The following DEF8 variants were observed in gnomAD, a reference collection of about 807,000 sequenced individuals.
The protein encoded by DEF8 is DEF-8.
A neutral mutation model predicts 59.1 loss-of-function variants in DEF8; 38 were observed. That is an observed-to-expected ratio of 0.64 (90% confidence interval 0.50 to 0.84). The LOEUF is 0.84. Among genes scored for constraint, DEF8 ranks in the 40% least tolerant of loss-of-function variants. The pLI is 0.00. For missense variants in DEF8, 557 were observed against 615.2 expected (o/e 0.91, Z 1.00); for synonymous variants, 265 against 250.1 (o/e 1.06, Z -0.56).
rs1280935481 is a variant in DEF8, at chr16:89,966,247, G to A, written c.*284G>A. The A allele has an allele frequency of 6.1e-6, 2 of 329,896 alleles. No homozygotes were observed. The highest frequency in any genetic ancestry group is 2.1e-5 in the African/African-American group (1 of 46,614). 20.4% of individuals were successfully genotyped at this position (329,896 alleles called of 1,614,324 possible). On this transcript the variant is annotated 3_prime_UTR_variant, in exon 13 of 13. Transcript: ENST00000563594. ...GAACTCCATGGGCAGGGAGCTGGGG[G>A]GACATCTCACCTCCCCCATGGCACA...
At chr16:89,957,044 G>T (rs1342434156) in intron 4 of DEF8, among the ~76,000 whole-genome samples, 7 of 152,176 alleles carry the variant, frequency 4.6e-5, no homozygotes, top group Non-Finnish European at 1.0e-4. Context: ...GAGCCCCCTG[G>T]TCGCTATGTG....
chr16:89,963,523 G>T, intron 10 of DEF8, 80 bp downstream of exon 10: 1 of 1,258,244 alleles, frequency 7.9e-7, no homozygotes, highest in Non-Finnish European at 1.1e-6. Context: ...GTTTTTTCCG[G>T]ACAGCTTGTG....
chr16:89,965,948 C>T lies in DEF8; in HGVS notation c.1341C>T (p.Pro447=), dbSNP rs377024752. The T allele has an allele frequency of 3.8e-4, 607 of 1,612,940 alleles. 8 individuals carry two copies. In the South Asian group the frequency reaches 5.6e-3, roughly 15 times the overall value. ...RKQSLFQEPG[P]DVEA ...AGTCGCTCTTCCAGGAGCCAGGTCC[C>T]GATGTGGAGGCCTAGCGCCGAGGAA... Residue 447 remains proline, a synonymous_variant, in exon 13 of 13, where the codon CCC becomes CCT. Coordinates refer to ENST00000563594, the MANE Select transcript of DEF8 (RefSeq NM_001242818.2).
rs377269615 is a variant in DEF8 at position 89,957,588 on chromosome 16, C to G, written c.300C>G (p.Pro100=). 3.8e-6 allele frequency: 6 copies of G among 1,586,842 alleles called. No homozygotes were observed. The African/African-American group carries it at 8.1e-5, about 21-fold the overall frequency. ...EECKQVILEL[P]EQSEKQKDAV... is the part of the protein sequence containing the mutation. ...GCAAGCAGGTGATTCTGGAGCTGCC[C>G]GAGCAGTCGGAGAAGCAGAAGGATG... is the stretch of plus-strand genomic sequence containing the variant. Residue 100 remains proline (P), a synonymous_variant, in exon 5 of 13, where the codon CCC becomes CCG. Transcript: ENST00000563594.
intron 9 of DEF8, 79 bp from the exon 10 acceptor site, chr16:89,963,284 G>A: frequency 7.8e-7 from 1 of 1,274,166 alleles, no homozygotes; most frequent in Non-Finnish European, 1.1e-6. Context: ...GCCCTGCCGT[G>A]GCCCCGGGTG....
chr16:89,961,835 G>A lies in DEF8; in HGVS notation c.778G>A (p.Val260Ile), dbSNP rs1396362637. Reference protein sequence around the residue: ...NDLAVIPARVVHNWDFEPRKV... With the variant: ...NDLAVIPARVIHNWDFEPRKV... Reference sequence around the variant, plus strand: ...CCTGGCTGTGATCCCTGCACGCGTTGTACACAACTGGGACTTTGAGCCTCG... The same window carrying A: ...CCTGGCTGTGATCCCTGCACGCGTTATACACAACTGGGACTTTGAGCCTCG... Residue 260 changes from valine (V) to isoleucine (I), a missense_variant, in exon 8 of 13, where the codon GTA becomes ATA. By Grantham distance (29) the Val-to-Ile change is conservative (BLOSUM62 3). Transcript: ENST00000563594. 2 of 1,609,318 alleles carry A rather than the reference G, an allele frequency of 1.2e-6. No individual in the cohort carries two copies. Among genetic ancestry groups the A allele is most frequent in the Non-Finnish European group, 1.7e-6 (2 of 1,177,484 alleles).
intron 4 of DEF8, chr16:89,957,297 G>A (rs2151172954): frequency 2.3e-6 from 1 of 443,690 alleles, no homozygotes. Flanking sequence ...CTGTGGGCAG[G>A]CAGGTCAGGC....
intron 2 of DEF8, 125 bp downstream of exon 2, chr16:89,949,638 G>A: frequency 1.2e-6 from 2 of 1,609,688 alleles, no homozygotes; most frequent in Non-Finnish European, 1.7e-6. Flanking sequence ...CGGGAGGCCA[G>A]GTCCGTGCAT....
In DEF8 at chr16:89,954,339, G is replaced by C. The variant is rs775713936; in HGVS notation, c.87G>C (p.Gln29His). 25 of 1,613,784 alleles carry C rather than the reference G, an allele frequency of 1.5e-5. No homozygotes were observed. The highest frequency in any genetic ancestry group is 8.9e-5 in the East Asian group (4 of 44,884). Residue 29 changes from glutamine (Q) to histidine (H), a missense_variant, in exon 3 of 13, where the codon CAG becomes CAC. Transcript: ENST00000563594. The surrounding 1 kb of genome is among the most constrained non-coding windows in gnomAD (Gnocchi z 4.3). ...NKQSGPRQHE[Q>H]GPGEEVPDVT... The stretch of plus-strand genomic sequence containing the variant: ...AGTCTGGGCCGAGACAGCATGAGCA[G>C]GGCCCTGGGGAGGAGGTCCCGGACG...
intron 12 of DEF8, 70 bp from the exon 13 acceptor site, chr16:89,965,791 C>T (rs556125641): frequency 9.8e-7 from 1 of 1,025,418 alleles, no homozygotes. Context: ...AGGAGCTGAC[C>T]TAGGACGCTT....
rs141473198 is a variant in DEF8 at position 89,959,295 on chromosome 16, A to G, written c.514+140A>G. 72 of 1,508,934 alleles carry G rather than the reference A, an allele frequency of 4.8e-5. 3 individuals are homozygous for G. The African/African-American group carries it at 6.8e-4, about 14-fold the overall frequency. The allele number at this position is 1,508,934 out of a possible 1,614,324, so 93.5% of individuals were successfully genotyped here. ...CCAGTCAAAGTTAAATTAACTAAATATGCATTTCCTCGTTGTACTGTCTAC... is the reference window on the plus strand; with the variant it reads ...CCAGTCAAAGTTAAATTAACTAAATGTGCATTTCCTCGTTGTACTGTCTAC... On this transcript the variant is annotated intron_variant, in intron 6 of 12. Transcript: ENST00000563594.
intron 1 of DEF8, among the ~76,000 whole-genome samples, chr16:89,949,195 C>T (rs1231581029): frequency 6.6e-6 from 1 of 151,678 alleles, no homozygotes; most frequent in Non-Finnish European, 1.5e-5. Flanking sequence ...GGGGACGCCG[C>T]CGCTGCTCCG....
chr16:89,952,827 C>T (rs1479257072), intron 2 of DEF8: 1 of 152,278 alleles, frequency 6.6e-6, no homozygotes, highest in African/African-American at 2.4e-5. Flanking sequence ...ACACTCCTGC[C>T]CCACAGGCAC....
intron 8 of DEF8, 35 bp downstream of exon 8, chr16:89,961,899 A>T: frequency 6.3e-7 from 1 of 1,591,444 alleles, no homozygotes. Flanking sequence ...CCCCCTGGGG[A>T]GGGAGAGCAG....
Position 89,959,348 on chromosome 16 carries a change from A to G in DEF8, c.514+193A>G, listed in dbSNP as rs940246163. 7 of 1,439,338 alleles carry G rather than the reference A, an allele frequency of 4.9e-6. No homozygotes were observed. In the Admixed American group the frequency reaches 8.3e-5, roughly 17 times the overall value. The allele number at this position is 1,439,338 out of a possible 1,614,324, so 89.2% of individuals were successfully genotyped here. On this transcript the variant is annotated intron_variant, in intron 6 of 12. Coordinates refer to ENST00000563594, the MANE Select transcript of DEF8 (RefSeq NM_001242818.2). ...TGGACAGGGCTGTTCTGGATGAGAA[A>G]TTAAACTAGTGAATTACATGGTGTG...
intron 12 of DEF8, among the ~76,000 whole-genome samples, chr16:89,965,262 C>G (rs1243770895): frequency 6.6e-6 from 1 of 152,098 alleles, no homozygotes; most frequent in Non-Finnish European, 1.5e-5. Flanking sequence ...ATCTTCCAGA[C>G]CTGGAATCAG....
rs567751932 is a variant in DEF8, at chr16:89,955,107, C to G, written c.125-62C>G. 3.1e-4 allele frequency: 421 copies of G among 1,359,476 alleles called. 1 individual carries two copies. Among genetic ancestry groups the G allele is most frequent in the Non-Finnish European group, 3.0e-5 (29 of 957,068 alleles). The allele number at this position is 1,359,476 out of a possible 1,614,324, so 84.2% of individuals were successfully genotyped here. A position where few individuals can be genotyped will look rare whatever the true frequency, so the allele number is the denominator to read the frequency against. ...CACTCCTGGCTATCTCAGCTCCTCCCTAGGGGATGGGAGGCAGGAGGTAGC... is the reference window on the plus strand; with the variant it reads ...CACTCCTGGCTATCTCAGCTCCTCCGTAGGGGATGGGAGGCAGGAGGTAGC... On this transcript the variant is annotated intron_variant, in intron 3 of 12. Coordinates refer to ENST00000563594, the MANE Select transcript of DEF8 (RefSeq NM_001242818.2).
At chr16:89,963,545 T>A in intron 10 of DEF8, 102 bp downstream of exon 10, 1 of 936,118 alleles carries the variant, frequency 1.1e-6, no homozygotes, top group Non-Finnish European at 1.6e-6. Flanking sequence ...GTGGAGTGCC[T>A]TTAGCAGAGG....
Position 89,954,454 on chromosome 16 carries a change from G to A in DEF8, c.124+78G>A, listed in dbSNP as rs889308696. 19 of 1,492,048 alleles carry A rather than the reference G, an allele frequency of 1.3e-5. No homozygotes were observed. The highest frequency in any genetic ancestry group is 6.3e-5 in the South Asian group (5 of 79,344). The allele number at this position is 1,492,048 out of a possible 1,614,324, so 92.4% of individuals were successfully genotyped here. On this transcript the variant is annotated intron_variant, in intron 3 of 12. Transcript: ENST00000563594. The surrounding 1 kb of genome is among the most constrained non-coding windows in gnomAD (Gnocchi z 4.3). ...CGTGGACCCCTCCTTTCTTCCTGCC[G>A]CGTCCTGCGCAGCCCTGGCTTTCCC...
Sources: allele counts gnomAD v4.1 joint callset (sites outside exome capture counted in the v4.1 genomes callset), GRCh38; gene constraint gnomAD v4.1.1; non-coding constraint Gnocchi (gnomAD v3.1); transcripts MANE v1.5; gene names NCBI Gene and HGNC (gene_info 2026-07-23, HGNC 2026-07-21).